SORD: variants seen among roughly 807,000 people sequenced by gnomAD.
The protein encoded by SORD is sorbitol dehydrogenase, also known as (R,R)-butanediol dehydrogenase.
A neutral mutation model predicts 35.6 loss-of-function variants in SORD; 18 were observed. That is an observed-to-expected ratio of 0.51 (90% CI 0.35 to 0.75). The LOEUF is 0.75. Ranked by LOEUF, SORD falls within the 30% of genes least tolerant of loss-of-function variation. SORD has a pLI of 0.01. For synonymous variants in SORD, 106 were observed against 152.9 expected, an observed-to-expected ratio of 0.69 and a Z score of 2.26; for missense variants, 250 against 390.2, an observed-to-expected ratio of 0.64 and a Z score of 3.03.
intron 1 of SORD, among the ~76,000 whole-genome samples, chr15:45,034,632 G>A (rs577348825): frequency 6.6e-6 from 1 of 152,368 alleles, no homozygotes; most frequent in East Asian, 1.9e-4. Flanking sequence ...GGCAGCGGGA[G>A]CAGCTGAAGG....
intron 3 of SORD, among the ~76,000 whole-genome samples, chr15:45,050,210 T>A (rs1328454691): frequency 6.6e-6 from 1 of 152,092 alleles, no homozygotes; most frequent in East Asian, 1.9e-4. Flanking sequence ...GCCTCCTGAG[T>A]AGCTGGGACT....
chr15:45,039,289 C>G (rs543030751), intron 1 of SORD, among the ~76,000 whole-genome samples: 3 of 152,058 alleles, frequency 2.0e-5, no homozygotes, highest in Non-Finnish European at 2.9e-5. Context: ...CCACCACGCC[C>G]GGCTAATTTT....
At chr15:45,060,916 C>T (rs914619711) in intron 3 of SORD, 151 bp from the exon 4 acceptor site, 37 of 1,487,646 alleles carry the variant, frequency 2.5e-5, no homozygotes, top group Non-Finnish European at 3.2e-5. Flanking sequence ...GCTAGATTCT[C>T]TCATCTGGCA....
intron 4 of SORD, among the ~76,000 whole-genome samples, chr15:45,063,580 G>A (rs1419319333): frequency 6.6e-6 from 1 of 152,134 alleles, no homozygotes; most frequent in Non-Finnish European, 1.5e-5. Flanking sequence ...TGTGTTGGGT[G>A]CAGGCGGATG....
At chr15:45,055,744 A>C (rs549102469) in intron 3 of SORD, among the ~76,000 whole-genome samples, 1 of 152,372 alleles carries the variant, frequency 6.6e-6, no homozygotes, top group East Asian at 1.9e-4. Flanking sequence ...ATCCTCAATA[A>C]AATACTGGCA....
intron 1 of SORD, among the ~76,000 whole-genome samples, chr15:45,039,419 T>A (rs1652354319): frequency 6.6e-6 from 1 of 152,222 alleles, no homozygotes; most frequent in Non-Finnish European, 1.5e-5. Flanking sequence ...TGAGACACTG[T>A]GCCCGGGTAC....
intron 2 of SORD, 132 bp downstream of exon 2, chr15:45,040,573 T>A: frequency 1.4e-6 from 1 of 725,954 alleles, no homozygotes; most frequent in Non-Finnish European, 2.4e-6. Flanking sequence ...ACCTATGCTT[T>A]TGTTAGGCTG....
chr15:45,064,057 C>T (rs1893365698), intron 4 of SORD, among the ~76,000 whole-genome samples: 1 of 149,014 alleles, frequency 6.7e-6, no homozygotes, highest in African/African-American at 2.5e-5. Flanking sequence ...TTGAAAGGAT[C>T]ATGGGGATGA....
Position 45,074,429 on chromosome 15 carries a change from TACTCA to T in SORD, c.*908_*912del. 1.4e-5 allele frequency: 1 copy of T among 73,286 alleles called. No individual in the cohort carries two copies. The highest frequency in any genetic ancestry group is 1.3e-4 in the Admixed American group (1 of 7,510). 4.5% of individuals were successfully genotyped at this position (73,286 alleles called of 1,614,324 possible). A position where few individuals can be genotyped will look rare whatever the true frequency, so the allele number is the denominator to read the frequency against. ...AGATTAGCATCCCATACTAGACTCA[TACTCA>T]ACTCAACTAGGCTCATACTCAATTG... On this transcript the variant is annotated 3_prime_UTR_variant, in exon 9 of 9. Transcript: ENST00000267814.
chr15:45,063,217 T>C (rs1298970453), intron 4 of SORD, among the ~76,000 whole-genome samples: 2 of 151,530 alleles, frequency 1.3e-5, no homozygotes, highest in East Asian at 3.9e-4. Context: ...GATGTCTTTT[T>C]AGGATTCCCA....
chr15:45,038,398 A>G (rs1303786599), intron 1 of SORD, among the ~76,000 whole-genome samples: 1 of 152,206 alleles, frequency 6.6e-6, no homozygotes, highest in Non-Finnish European at 1.5e-5. Context: ...GGTAATGCCT[A>G]TAAAGCACAC....
intron 3 of SORD, among the ~76,000 whole-genome samples, chr15:45,058,978 C>T (rs554648313): frequency 1.4e-4 from 21 of 152,202 alleles, no homozygotes; most frequent in South Asian, 1.2e-3. Flanking sequence ...CTCATGGAGC[C>T]CACTGTGTAC....
chr15:45,030,394 C>CATCT (rs1892759002), intron 1 of SORD, among the ~76,000 whole-genome samples: 1 of 152,228 alleles, frequency 6.6e-6, no homozygotes, highest in African/African-American at 2.4e-5. Context: ...ACAATATTAG[C>CATCT]ATCTAACTTA....
chr15:45,066,634 C>T (rs1329800574), intron 5 of SORD, among the ~76,000 whole-genome samples: 1 of 152,208 alleles, frequency 6.6e-6, no homozygotes, highest in Non-Finnish European at 1.5e-5. Flanking sequence ...GGAACAGGCC[C>T]TAGCAGCCTT....
chr15:45,030,561 G>A (rs270819), intron 1 of SORD, among the ~76,000 whole-genome samples: 6,477 of 150,812 alleles, frequency 0.043, 3 homozygotes, highest in African/African-American at 0.15. Context: ...ACATAGACCC[G>A]AACACAGTGA....
intron 3 of SORD, among the ~76,000 whole-genome samples, chr15:45,057,664 TC>T (rs1394920517): frequency 2.6e-5 from 4 of 152,104 alleles, no homozygotes; most frequent in African/African-American, 9.7e-5. Context: ...GTGCCTGTAG[TC>T]CCAGCTACTT....
Position 45,068,615 on chromosome 15 carries a change from A to G in SORD, c.611-262A>G, listed in dbSNP as rs543711349. Reference sequence around the variant, plus strand: ...TAATGATAGCTGATGAACTTTACAAAACTGTTTTTTAATTTCATAATATTT... The same window carrying G: ...TAATGATAGCTGATGAACTTTACAAGACTGTTTTTTAATTTCATAATATTT... On this transcript the variant is annotated intron_variant, in intron 6 of 8. Coordinates refer to ENST00000267814, the MANE Select transcript of SORD (RefSeq NM_003104.6). Among the ~76,000 whole-genome samples, 5 of 151,546 alleles carry G rather than the reference A, an allele frequency of 3.3e-5. No homozygotes were observed. In the East Asian group the frequency reaches 9.7e-4, roughly 29 times the overall value.
At chr15:45,046,273 C>T (rs111316468) in intron 3 of SORD, among the ~76,000 whole-genome samples, 2,423 of 152,254 alleles carry the variant, frequency 0.016, 18 homozygotes, top group Middle Eastern at 0.031. Flanking sequence ...GATGAAGTCT[C>T]ATTCTGTTGT....
chr15:45,067,534 A>C (rs1308063377), intron 5 of SORD, among the ~76,000 whole-genome samples: 4 of 152,222 alleles, frequency 2.6e-5, no homozygotes, highest in Non-Finnish European at 5.9e-5. Flanking sequence ...TACAAAAAGT[A>C]AACCCCCAAA....
Sources: allele counts gnomAD v4.1 joint callset (sites outside exome capture counted in the v4.1 genomes callset), GRCh38; gene constraint gnomAD v4.1.1; transcripts MANE v1.5; gene names NCBI Gene and HGNC (gene_info 2026-07-23, HGNC 2026-07-21).